ARHGEF12: variants seen among roughly 807,000 people sequenced by gnomAD.
ARHGEF12 encodes the protein KMT2A/ARHGEF12 fusion protein.
A neutral mutation model predicts 211.2 loss-of-function variants in ARHGEF12; 66 were observed. That is an observed-to-expected ratio of 0.31 (90% confidence interval 0.26 to 0.38). The LOEUF is 0.38. Ranked by LOEUF, ARHGEF12 falls within the 10% of genes least tolerant of loss-of-function variation. The probability of loss-of-function intolerance (pLI) is 1.00; values close to 1 mark genes in which losing one functional copy is unlikely to be tolerated. For missense variants in ARHGEF12, 1,429 were observed against 1,869.5 expected, an observed-to-expected ratio of 0.76 and a Z score of 4.34; for synonymous variants, 592 against 638.4, an observed-to-expected ratio of 0.93 and a Z score of 1.09.
rs1469063566 is a variant in ARHGEF12 at position 120,428,122 on chromosome 11, A to C, written c.460A>C (p.Ile154Leu). ...GGGACGCCCACCTGGGTCGCCCCAG[A>C]TTCCACTTGCCGACTCTGAAGTAGA... is the stretch of plus-strand genomic sequence containing the variant. ...VQGRPPGSPQ[I>L]PLADSEVEPS... The change falls in exon 8 of 41, where the codon ATT (isoleucine) becomes CTT (leucine). Residue 154 changes from isoleucine to leucine, a missense_variant. Ile to Leu is a conservative substitution (Grantham distance 5). This residue lies in a region of ARHGEF12 where 254 missense variants were observed against 286.4 expected (regional missense o/e 0.89). Transcript: ENST00000397843. 9 of 1,608,944 alleles carry C rather than the reference A, an allele frequency of 5.6e-6. No homozygotes were observed. The highest frequency in any genetic ancestry group is 7.6e-6 in the Non-Finnish European group (9 of 1,177,978).
intron 32 of ARHGEF12, among the ~76,000 whole-genome samples, chr11:120,475,041 G>A (rs1252989732): frequency 6.6e-6 from 1 of 152,068 alleles, no homozygotes; most frequent in Admixed American, 6.6e-5. Flanking sequence ...CTGCTGCCTC[G>A]AACTCCTGGG....
At chr11:120,377,534 G>A (rs138130009) in intron 1 of ARHGEF12, among the ~76,000 whole-genome samples, 3 of 151,942 alleles carry the variant, frequency 2.0e-5, no homozygotes, top group Admixed American at 2.0e-4. Context: ...GTAGAGATGG[G>A]GTCTTTCTGT....
At chr11:120,337,503 G>C in intron 1 of ARHGEF12, 2 of 985,434 alleles carry the variant, frequency 2.0e-6, no homozygotes, top group Non-Finnish European at 2.4e-6. Context: ...CTCAGAGAAG[G>C]GGGAGGCAAA....
chr11:120,367,644 G>A (rs1382058796), intron 1 of ARHGEF12, among the ~76,000 whole-genome samples: 2 of 152,038 alleles, frequency 1.3e-5, no homozygotes, highest in Non-Finnish European at 1.5e-5. Flanking sequence ...GATTACAGGC[G>A]TGAGCCACCA....
intron 12 of ARHGEF12, chr11:120,438,862 G>GTATGTATA (rs1945778836): frequency 6.6e-6 from 1 of 152,102 alleles, no homozygotes; most frequent in Admixed American, 6.5e-5. Flanking sequence ...ATGTATTTAT[G>GTATGTATA]TATGTATATA....
At chr11:120,338,029 G>A (rs990464201) in intron 1 of ARHGEF12, among the ~76,000 whole-genome samples, 4 of 152,244 alleles carry the variant, frequency 2.6e-5, no homozygotes, top group Non-Finnish European at 5.9e-5. Flanking sequence ...GTGTTGCATG[G>A]TGGTGGGTGG....
chr11:120,435,006 T>G (rs570646448), intron 11 of ARHGEF12, among the ~76,000 whole-genome samples: 1 of 152,274 alleles, frequency 6.6e-6, no homozygotes, highest in Admixed American at 6.5e-5. Flanking sequence ...GTTTTTAAAA[T>G]ATAGCTATAA....
At chr11:120,431,624 A>G in intron 10 of ARHGEF12, 147 bp from the exon 11 acceptor site, 4 of 774,298 alleles carry the variant, frequency 5.2e-6, no homozygotes, top group Non-Finnish European at 5.4e-6. Context: ...TTACTCGTAG[A>G]ATTTTAAACA....
chr11:120,406,293 AAG>A (rs1346269409), intron 2 of ARHGEF12, 152 bp downstream of exon 2: 1 of 517,902 alleles, frequency 1.9e-6, no homozygotes, highest in Non-Finnish European at 3.2e-6. Flanking sequence ...TAAAATGTAA[AAG>A]ATGTTACTTT....
At chr11:120,440,801 T>C (rs1945847580) in intron 13 of ARHGEF12, among the ~76,000 whole-genome samples, 1 of 152,170 alleles carries the variant, frequency 6.6e-6, no homozygotes, top group African/African-American at 2.4e-5. Flanking sequence ...ACTCAGTCTT[T>C]CATCATTAAG....
chr11:120,406,619 C>T (rs541788388), intron 2 of ARHGEF12, among the ~76,000 whole-genome samples: 4 of 152,122 alleles, frequency 2.6e-5, no homozygotes, highest in African/African-American at 7.2e-5. Flanking sequence ...AGTGCAGTGG[C>T]GCGATCTCAG....
chr11:120,480,302 C>T lies in ARHGEF12; in HGVS notation c.4109C>T (p.Pro1370Leu). ...ACCCCAGAGATGCCTACCATGGAGC[C>T]AGAAGGGGGTCTTGATGACAGTGGA... ...IMTPEMPTME[P>L]EGGLDDSGEH... is the part of the protein sequence containing the mutation. The change falls in exon 38 of 41, where the codon CCA becomes CTA. Residue 1370 changes from proline to leucine, a missense_variant. Coordinates refer to ENST00000397843, the MANE Select transcript of ARHGEF12 (RefSeq NM_015313.3). 4.3e-6 allele frequency: 7 copies of T among 1,614,096 alleles called. No homozygotes were observed. The highest frequency in any genetic ancestry group is 5.9e-6 in the Non-Finnish European group (7 of 1,180,028).
At chr11:120,408,450 A>C in intron 3 of ARHGEF12, 1 of 152,060 alleles carries the variant, frequency 6.6e-6, no homozygotes, top group East Asian at 1.9e-4. Context: ...TTCTCCTTGT[A>C]AGCTTACTCC....
At chr11:120,456,710 C>G (rs1037991535) in intron 22 of ARHGEF12, among the ~76,000 whole-genome samples, 3 of 152,092 alleles carry the variant, frequency 2.0e-5, no homozygotes, top group African/African-American at 7.2e-5. Flanking sequence ...AATTATTTTT[C>G]TGACCAGGCA....
rs1018328685 is a variant in ARHGEF12, at chr11:120,395,265, C to T, written c.33-10853C>T. On this transcript the variant is annotated intron_variant, in intron 1 of 40. Transcript: ENST00000397843. ...TGTGTATGTATGTGTGTGTAATGACCGGGTAGGGTTTATCCCAGGAGTGCA... is the reference window on the plus strand; with the variant it reads ...TGTGTATGTATGTGTGTGTAATGACTGGGTAGGGTTTATCCCAGGAGTGCA... Among the ~76,000 whole-genome samples, 5 of 151,692 alleles carry T rather than the reference C, an allele frequency of 3.3e-5. No homozygotes were observed. In the East Asian group the frequency reaches 5.8e-4, roughly 18 times the overall value.
intron 1 of ARHGEF12, among the ~76,000 whole-genome samples, chr11:120,401,843 A>C (rs757263669): frequency 2.0e-5 from 3 of 152,186 alleles, no homozygotes; most frequent in Non-Finnish European, 2.9e-5. Flanking sequence ...ATATATTTCT[A>C]TGCATTTTAC....
At chr11:120,456,756 G>A (rs750753881) in intron 22 of ARHGEF12, among the ~76,000 whole-genome samples, 1 of 152,132 alleles carries the variant, frequency 6.6e-6, no homozygotes, top group Non-Finnish European at 1.5e-5. Flanking sequence ...CACTTTGGGT[G>A]GCCAAGGCGA....
intron 1 of ARHGEF12, among the ~76,000 whole-genome samples, chr11:120,391,804 A>G (rs1944226999): frequency 6.6e-6 from 1 of 152,182 alleles, no homozygotes; most frequent in African/African-American, 2.4e-5. Flanking sequence ...TCTTTTTTCT[A>G]AAAATCTACC....
rs765189774 is a variant in ARHGEF12, at chr11:120,429,427, T to C, written c.586-13T>C. The C allele has an allele frequency of 3.7e-5, 59 of 1,603,458 alleles. No homozygotes were observed. The highest frequency in any genetic ancestry group is 5.0e-5 in the Non-Finnish European group (59 of 1,173,546). Reference sequence around the variant, plus strand: ...ACTGGTTGTTGTTTGTTTTTTATCTTTTTCTTTTCTAGGAGGAAAACAATG... The same window carrying C: ...ACTGGTTGTTGTTTGTTTTTTATCTCTTTCTTTTCTAGGAGGAAAACAATG... On this transcript the variant is annotated splice_polypyrimidine_tract_variant and intron_variant, in intron 8 of 40. Transcript: ENST00000397843.
Sources: gnomAD v4.1 joint callset for allele counts (sites outside exome capture counted in the v4.1 genomes callset) on GRCh38, gnomAD v4.1.1 for gene constraint, gnomAD v4.1.1 regional missense constraint, MANE v1.5 for transcripts, NCBI Gene and HGNC (gene_info 2026-07-23, HGNC 2026-07-21) for gene names.